The following PCDH17 variants were observed in gnomAD, a reference collection of about 807,000 sequenced individuals.
The protein encoded by PCDH17 is protocadherin-17.
PCDH17 carries 21 observed loss-of-function variants against 67.7 expected under a neutral mutation model. That is an observed-to-expected ratio of 0.31 (90% CI 0.22 to 0.45). The LOEUF is 0.45. PCDH17 is among the 20% of genes least tolerant of loss of function. The pLI is 1.00. For synonymous variants in PCDH17, 701 were observed against 656.7 expected (o/e 1.07, Z -1.03); for missense variants, 1,471 against 1,564.8 (o/e 0.94, Z 1.01).
chr13:57,724,911 C>T lies in PCDH17; in HGVS notation c.3097C>T (p.Pro1033Ser), dbSNP rs1243325322. The change falls in exon 4 of 4, where the codon CCC (proline) becomes TCC (serine). Residue 1033 changes from proline (P) to serine (S), a missense_variant. Physicochemically the swap from Pro to Ser is moderately conservative, Grantham distance 74. Transcript: ENST00000377918. ...CCTGAGCCCTCTCCTCCAAGAGGTC[C>T]CCTCAGCATCAAGCAGCCCAACCAA... ...RALSPLLQEV[P>S]SASSSPTKAC... The T allele has an allele frequency of 6.2e-7, 1 of 1,614,136 alleles. No homozygotes were observed. The highest frequency in any genetic ancestry group is 1.3e-5 in the African/African-American group (1 of 75,048).
intron 1 of PCDH17, among the ~76,000 whole-genome samples, chr13:57,639,136 C>T (rs1448278780): frequency 6.6e-6 from 1 of 151,918 alleles, no homozygotes; most frequent in East Asian, 1.9e-4. Flanking sequence ...ATGTCCCTTT[C>T]TTACTCTGTG....
chr13:57,697,853 G>T (rs1172377733), intron 3 of PCDH17, among the ~76,000 whole-genome samples: 1 of 150,238 alleles, frequency 6.7e-6, no homozygotes, highest in African/African-American at 2.4e-5. Context: ...CTAGTTGGGG[G>T]GTACTTCACA....
At position 57,634,222 on chromosome 13, in the gene PCDH17, C is replaced by T; in HGVS notation, c.1676C>T (p.Ala559Val). ...EFKVLAKDSG[A>V]PAHLESNATV... ...AAGGTGCTTGCTAAGGACTCGGGGG[C>T]GCCCGCGCACTTGGAGAGCAACGCC... Residue 559 changes from alanine to valine, a missense_variant, in exon 1 of 4, where the codon GCG (alanine) becomes GTG (valine). Coordinates refer to ENST00000377918, the MANE Select transcript of PCDH17 (RefSeq NM_001040429.3). This position sits in a 1 kb window ranked among gnomAD's most constrained non-coding sequence, Gnocchi z 7.8. 1 of 1,613,278 alleles carries T rather than the reference C, an allele frequency of 6.2e-7. No individual in the cohort carries two copies. The highest frequency in any genetic ancestry group is 1.1e-5 in the South Asian group (1 of 91,076).
chr13:57,654,752 A>G (rs1163242931), intron 1 of PCDH17, among the ~76,000 whole-genome samples: 1 of 152,070 alleles, frequency 6.6e-6, no homozygotes, highest in Non-Finnish European at 1.5e-5. Flanking sequence ...ATAAATGTCT[A>G]CCTAAAATAG....
In PCDH17 at chr13:57,725,744, G is replaced by A. The variant is rs1955911891; in HGVS notation, c.*450G>A. The A allele has an allele frequency of 6.4e-6, 1 of 156,246 alleles. No homozygotes were observed. Among genetic ancestry groups the A allele is most frequent in the Admixed American group, 6.3e-5 (1 of 15,972 alleles). 9.7% of individuals were successfully genotyped at this position (156,246 alleles called of 1,614,324 possible). A position where few individuals can be genotyped will look rare whatever the true frequency, so the allele number is the denominator to read the frequency against. On this transcript the variant is annotated 3_prime_UTR_variant, in exon 4 of 4. Coordinates refer to ENST00000377918, the MANE Select transcript of PCDH17 (RefSeq NM_001040429.3). ...GGGTCATAATTTGTGATCTGTGGTGGATTTCTAGCAGTCATCACAGGCTTC... is the reference window on the plus strand; with the variant it reads ...GGGTCATAATTTGTGATCTGTGGTGAATTTCTAGCAGTCATCACAGGCTTC...
chr13:57,632,846 C>T lies in PCDH17; in HGVS notation c.300C>T (p.Ala100=). 6.2e-7 allele frequency: 1 copy of T among 1,613,970 alleles called. No individual in the cohort carries two copies. Residue 100 remains alanine (A), a synonymous_variant, in exon 1 of 4, where the codon GCC becomes GCT. Coordinates refer to ENST00000377918, the MANE Select transcript of PCDH17 (RefSeq NM_001040429.3). ...GCGAGTCCCTGTGCCGCCACAATGC[C>T]AAGTGCCAGCTGTCCCTCGAGGTGT... ...IDRESLCRHN[A]KCQLSLEVFA...
At chr13:57,678,170 C>T (rs2138043087) in intron 3 of PCDH17, among the ~76,000 whole-genome samples, 1 of 150,580 alleles carries the variant, frequency 6.6e-6, no homozygotes, top group Non-Finnish European at 1.5e-5. Flanking sequence ...TATCTCGAAA[C>T]ATCATATTGT....
At chr13:57,695,326 C>T (rs761781590) in intron 3 of PCDH17, among the ~76,000 whole-genome samples, 2 of 150,958 alleles carry the variant, frequency 1.3e-5, no homozygotes, top group Non-Finnish European at 3.0e-5. Flanking sequence ...TTTCATTTAG[C>T]AATTTTAGCA....
chr13:57,689,661 T>A (rs1215743615), intron 3 of PCDH17, among the ~76,000 whole-genome samples: 2 of 152,008 alleles, frequency 1.3e-5, no homozygotes, highest in Non-Finnish European at 2.9e-5. Context: ...TGTATATGCA[T>A]AATGCAATCG....
intron 1 of PCDH17, 145 bp from the exon 2 acceptor site, chr13:57,666,323 A>G: frequency 6.1e-6 from 4 of 655,224 alleles, no homozygotes; most frequent in Non-Finnish European, 1.1e-5. Flanking sequence ...CATGTCAGCA[A>G]TTTCCAATTT....
In PCDH17 at chr13:57,633,217, C is replaced by A. The variant is rs770531954; in HGVS notation, c.671C>A (p.Ser224Tyr). 3.4e-5 allele frequency: 55 copies of A among 1,613,068 alleles called. No homozygotes were observed. Among genetic ancestry groups the A allele is most frequent in the Non-Finnish European group, 4.6e-5 (54 of 1,179,948 alleles). Reference sequence around the variant, plus strand: ...CTGGACGGTGGCGAGCCTCCACGTTCCGCCACCGTACAGATCAACGTGAAG... The same window carrying A: ...CTGGACGGTGGCGAGCCTCCACGTTACGCCACCGTACAGATCAACGTGAAG... ...TALDGGEPPR[S>Y]ATVQINVKVI... The change falls in exon 1 of 4, where the codon TCC (serine) becomes TAC (tyrosine). Residue 224 changes from serine (S) to tyrosine (Y), a missense_variant. Coordinates refer to ENST00000377918, the MANE Select transcript of PCDH17 (RefSeq NM_001040429.3). The surrounding 1 kb of genome is among the most constrained non-coding windows in gnomAD (Gnocchi z 6.2).
At chr13:57,678,834 G>A (rs184039548) in intron 3 of PCDH17, among the ~76,000 whole-genome samples, 81 of 151,490 alleles carry the variant, frequency 5.3e-4, no homozygotes, top group Non-Finnish European at 8.7e-4. Context: ...TTACTTTTCC[G>A]TCTCATGGTT....
At chr13:57,703,451 G>C (rs1400715439) in intron 3 of PCDH17, among the ~76,000 whole-genome samples, 1 of 152,092 alleles carries the variant, frequency 6.6e-6, no homozygotes, top group East Asian at 1.9e-4. Flanking sequence ...GTGAGCAAAA[G>C]GAGATTGGAG....
chr13:57,706,694 T>TCA (rs1955724694), intron 3 of PCDH17, among the ~76,000 whole-genome samples: 2 of 152,190 alleles, frequency 1.3e-5, no homozygotes, highest in Non-Finnish European at 2.9e-5. Flanking sequence ...GTTCATCTTC[T>TCA]GTGTTGACAG....
At chr13:57,645,672 G>T (rs1954956581) in intron 1 of PCDH17, among the ~76,000 whole-genome samples, 1 of 150,670 alleles carries the variant, frequency 6.6e-6, no homozygotes, top group African/African-American at 2.4e-5. Context: ...CCCAGTATTT[G>T]TTTATATTAT....
At chr13:57,686,499 G>A (rs1955509371) in intron 3 of PCDH17, among the ~76,000 whole-genome samples, 1 of 151,910 alleles carries the variant, frequency 6.6e-6, no homozygotes, top group Non-Finnish European at 1.5e-5. Context: ...TATCAAAGGG[G>A]CCAGTCTGGG....
chr13:57,698,814 A>G (rs538904981), intron 3 of PCDH17, among the ~76,000 whole-genome samples: 1 of 152,166 alleles, frequency 6.6e-6, no homozygotes, highest in South Asian at 2.1e-4. Flanking sequence ...TCACCTTAAC[A>G]TTAGGTAGCA....
chr13:57,718,786 TA>T (rs1357190717), intron 3 of PCDH17, among the ~76,000 whole-genome samples: 1 of 151,992 alleles, frequency 6.6e-6, no homozygotes, highest in African/African-American at 2.4e-5. Context: ...TATATTGGGA[TA>T]AATTGCAATT....
intron 1 of PCDH17, among the ~76,000 whole-genome samples, chr13:57,658,854 A>T (rs1955145712): frequency 6.6e-6 from 1 of 151,948 alleles, no homozygotes; most frequent in Admixed American, 6.6e-5. Flanking sequence ...ATCTCTGCTC[A>T]CCTCAACCTC....
Sources: allele counts gnomAD v4.1 joint callset (sites outside exome capture counted in the v4.1 genomes callset), GRCh38; gene constraint gnomAD v4.1.1; non-coding constraint Gnocchi (gnomAD v3.1); transcripts MANE v1.5; gene names NCBI Gene and HGNC (gene_info 2026-07-23, HGNC 2026-07-21).